The following SIL1 variants were observed in gnomAD, a reference collection of about 807,000 sequenced individuals.
The protein encoded by SIL1 is nucleotide exchange factor SIL1.
A neutral mutation model predicts 49.1 loss-of-function variants in SIL1; 40 were observed. That is an observed-to-expected ratio of 0.81 (90% CI 0.63 to 1.06). The LOEUF (loss-of-function observed/expected upper bound fraction) is 1.06. Ranked by LOEUF, SIL1 falls within the 50% of genes least tolerant of loss-of-function variation. The pLI, the probability that SIL1 is intolerant of heterozygous loss-of-function variation, is 0.00. For synonymous variants in SIL1, 253 were observed against 250.8 expected (o/e 1.01, Z -0.08); for missense variants, 500 against 572.6 (o/e 0.87, Z 1.29).
intron 7 of SIL1, among the ~76,000 whole-genome samples, chr5:138,961,048 G>A (rs1434342829): frequency 6.6e-6 from 1 of 152,164 alleles, no homozygotes; most frequent in African/African-American, 2.4e-5. Flanking sequence ...AGGGATGGGG[G>A]AGGGAGGACT....
At chr5:139,071,839 G>A (rs1362691575) in intron 3 of SIL1, among the ~76,000 whole-genome samples, 2 of 151,790 alleles carry the variant, frequency 1.3e-5, no homozygotes, top group African/African-American at 4.8e-5. Context: ...GCTAATTTTT[G>A]TATTTTTAGT....
At chr5:139,193,381 T>C (rs187300930) in intron 1 of SIL1, among the ~76,000 whole-genome samples, 31 of 152,216 alleles carry the variant, frequency 2.0e-4, no homozygotes, top group African/African-American at 6.5e-4. Context: ...CTGGCCAACA[T>C]GGCAAAACAC....
intron 7 of SIL1, among the ~76,000 whole-genome samples, chr5:138,982,379 G>A (rs1434731923): frequency 6.6e-6 from 1 of 152,192 alleles, no homozygotes; most frequent in African/African-American, 2.4e-5. Flanking sequence ...GGCAGCATCT[G>A]CCCCTCCCTC....
intron 3 of SIL1, among the ~76,000 whole-genome samples, chr5:139,118,481 A>G (rs1170175307): frequency 6.6e-6 from 1 of 152,174 alleles, no homozygotes; most frequent in East Asian, 1.9e-4. Context: ...CACTTCCCCC[A>G]TGCCACCCCA....
chr5:139,063,245 C>A (rs749504200), intron 3 of SIL1, among the ~76,000 whole-genome samples: 15 of 152,318 alleles, frequency 9.8e-5, no homozygotes, highest in Admixed American at 5.9e-4. Flanking sequence ...AGCCCTCCTA[C>A]TGAGAAAAGC....
rs539749395 is a variant in SIL1, at chr5:138,996,358, C to T, written c.767+24813G>A. Among the ~76,000 whole-genome samples, 56 of 152,140 alleles carry T rather than the reference C, an allele frequency of 3.7e-4. 1 individual carries two copies. In the South Asian group the frequency reaches 0.011, roughly 31 times the overall value. On this transcript the variant is annotated intron_variant, in intron 7 of 9. Coordinates refer to ENST00000394817, the MANE Select transcript of SIL1 (RefSeq NM_022464.5). ...AAAAATGTCTGTTCAGATCTTTCGC[C>T]CATTTTTAATCAGATTTTTTTTTGC...
At chr5:139,127,887 T>C (rs2151796287) in intron 1 of SIL1, 34 bp from the exon 2 acceptor site, 1 of 1,373,526 alleles carries the variant, frequency 7.3e-7, no homozygotes, top group South Asian at 1.2e-5. Flanking sequence ...AGAAGGTCAA[T>C]GAAAAGCTAA....
chr5:138,956,858 C>T (rs1766914444), intron 7 of SIL1, among the ~76,000 whole-genome samples: 1 of 151,966 alleles, frequency 6.6e-6, no homozygotes, highest in African/African-American at 2.4e-5. Context: ...TCTTCCACTA[C>T]AAAGTCAAGC....
chr5:139,144,767 A>G (rs1751159524), intron 1 of SIL1, among the ~76,000 whole-genome samples: 1 of 152,102 alleles, frequency 6.6e-6, no homozygotes, highest in African/African-American at 2.4e-5. Context: ...GCTACTCGGG[A>G]GGCTGAAGCA....
At chr5:139,189,702 T>C (rs934192330) in intron 1 of SIL1, among the ~76,000 whole-genome samples, 32 of 152,126 alleles carry the variant, frequency 2.1e-4, no homozygotes, top group Non-Finnish European at 4.3e-4. Context: ...ACATCTGTAA[T>C]CTCAGCTACT....
At chr5:139,131,022 T>G (rs1750852599) in intron 1 of SIL1, among the ~76,000 whole-genome samples, 1 of 152,152 alleles carries the variant, frequency 6.6e-6, no homozygotes, top group Non-Finnish European at 1.5e-5. Context: ...TTTGGAATAG[T>G]GAAAATATTC....
intron 3 of SIL1, among the ~76,000 whole-genome samples, chr5:139,069,574 T>C (rs533969819): frequency 1.3e-5 from 2 of 152,160 alleles, no homozygotes; most frequent in South Asian, 2.1e-4. Context: ...TAATTTCACA[T>C]AAAAACGAGC....
chr5:139,127,395 A>G (rs1039028864), intron 2 of SIL1, among the ~76,000 whole-genome samples: 1 of 152,218 alleles, frequency 6.6e-6, no homozygotes, highest in Non-Finnish European at 1.5e-5. Context: ...AAAGGAGAAT[A>G]AAAACTGTAG....
Position 138,951,312 on chromosome 5 carries a change from C to G in SIL1, c.888G>C (p.Leu296=). Residue 296 remains leucine, a synonymous_variant, in exon 9 of 10, where the codon CTG becomes CTC. Transcript: ENST00000394817. Reference sequence around the variant, plus strand: ...GCTGGGCATAGGGGAAGTGGCGCAGCAGGGAGCACAGTGCAAACAGGACCT... The same window carrying G: ...GCTGGGCATAGGGGAAGTGGCGCAGGAGGGAGCACAGTGCAAACAGGACCT... ...KKKVLFALCS[L]LRHFPYAQRQ... is the part of the protein sequence containing the mutation. 1 of 1,557,316 alleles carries G rather than the reference C, an allele frequency of 6.4e-7. No homozygotes were observed. Among genetic ancestry groups the G allele is most frequent in the Non-Finnish European group, 8.7e-7 (1 of 1,150,034 alleles).
At chr5:139,090,986 T>C (rs1023450809) in intron 3 of SIL1, among the ~76,000 whole-genome samples, 1 of 152,208 alleles carries the variant, frequency 6.6e-6, no homozygotes, top group South Asian at 2.1e-4. Context: ...CCCCATGTCT[T>C]ATGCCTACAT....
At chr5:139,181,184 A>T (rs1462369290) in intron 1 of SIL1, among the ~76,000 whole-genome samples, 1 of 152,144 alleles carries the variant, frequency 6.6e-6, no homozygotes. Context: ...CTTTCCAACC[A>T]AGCCTCTAGT....
intron 5 of SIL1, among the ~76,000 whole-genome samples, chr5:139,040,457 C>G (rs958053332): frequency 1.3e-5 from 2 of 151,048 alleles, no homozygotes; most frequent in South Asian, 4.2e-4. Flanking sequence ...ATTGGGATCC[C>G]CTTGCAAGGG....
chr5:138,949,813 A>G (rs1348883428), intron 9 of SIL1, among the ~76,000 whole-genome samples: 3 of 151,258 alleles, frequency 2.0e-5, no homozygotes, highest in South Asian at 2.1e-4. Flanking sequence ...AAAAAAAAAA[A>G]AAAGAAAAAA....
chr5:139,144,164 A>G (rs1038997355), intron 1 of SIL1, among the ~76,000 whole-genome samples: 1 of 152,224 alleles, frequency 6.6e-6, no homozygotes, highest in Non-Finnish European at 1.5e-5. Context: ...ATCTTGAAGC[A>G]GGAGAACAAA....
Sources: gnomAD v4.1 joint callset for allele counts (sites outside exome capture counted in the v4.1 genomes callset) on GRCh38, gnomAD v4.1.1 for gene constraint, MANE v1.5 for transcripts, NCBI Gene and HGNC (gene_info 2026-07-23, HGNC 2026-07-21) for gene names.